The following PIWIL1 variants were observed in gnomAD, a reference collection of about 807,000 sequenced individuals.
PIWIL1 encodes the protein piwi like RNA-mediated gene silencing 1, also known as piwi-like protein 1.
A neutral mutation model predicts 114.4 loss-of-function variants in PIWIL1; 73 were observed. That is an observed-to-expected ratio of 0.64 (90% CI 0.53 to 0.78). The LOEUF (loss-of-function observed/expected upper bound fraction) is 0.78, where lower values mean the gene tolerates loss of function less well. Among genes scored for constraint, PIWIL1 ranks in the 30% least tolerant of loss-of-function variants. PIWIL1 has a pLI of 0.00. For synonymous variants in PIWIL1, 375 were observed against 369.0 expected, an observed-to-expected ratio of 1.02 and a Z score of -0.19; for missense variants, 723 against 1,063.1, an observed-to-expected ratio of 0.68 and a Z score of 4.45.
In PIWIL1 at chr12:130,361,483, A is replaced by G. The variant is rs372934454; in HGVS notation, c.1867-15A>G. 9.7e-5 allele frequency: 157 copies of G among 1,613,494 alleles called. No homozygotes were observed. In the African/African-American group the frequency reaches 1.7e-3, roughly 18 times the overall value. Reference sequence around the variant, plus strand: ...GTACTCCATTGTATCTAAAATTACCATATTTGTATTGAAGCTGAAGCTCGT... The same window carrying G: ...GTACTCCATTGTATCTAAAATTACCGTATTTGTATTGAAGCTGAAGCTCGT... On this transcript the variant is annotated splice_polypyrimidine_tract_variant and intron_variant, in intron 15 of 20. Coordinates refer to ENST00000245255, the MANE Select transcript of PIWIL1 (RefSeq NM_004764.5).
chr12:130,415,323 G>T, the PIWIL1 span, among the ~76,000 whole-genome samples: 1 of 152,058 alleles, frequency 6.6e-6, no homozygotes, highest in Non-Finnish European at 1.5e-5. Flanking sequence ...CAATAGTGCA[G>T]AAAAAGCTTG....
At chr12:130,392,094 CCAG>C in the PIWIL1 span, among the ~76,000 whole-genome samples, 10 of 96,552 alleles carry the variant, frequency 1.0e-4, no homozygotes, top group South Asian at 3.8e-4. Flanking sequence ...CATCAGTTAC[CCAG>C]TGAATATTGA....
Position 130,371,718 on chromosome 12 carries a change from A to G in PIWIL1, c.*120A>G, listed in dbSNP as rs897552611. ...GATGAAACTTGGGAAGGGGATTAGG[A>G]GATCTAGCATTTTATTTCTAGCATT... On this transcript the variant is annotated 3_prime_UTR_variant, in exon 21 of 21. Coordinates refer to ENST00000245255, the MANE Select transcript of PIWIL1 (RefSeq NM_004764.5). 2 of 587,664 alleles carry G rather than the reference A, an allele frequency of 3.4e-6. No individual in the cohort carries two copies. The highest frequency in any genetic ancestry group is 3.8e-5 in the African/African-American group (2 of 52,624). The allele number at this position is 587,664 out of a possible 1,614,324, so 36.4% of individuals were successfully genotyped here.
rs1317558600 is a variant in PIWIL1, at chr12:130,372,142, G to T, written c.*544G>T. ...ATATGCTTGATTTTTATTTGGCAGG[G>T]GGGCTAGGTTGTATGGGAGTAAAAA... On this transcript the variant is annotated 3_prime_UTR_variant, in exon 21 of 21. Coordinates refer to ENST00000245255, the MANE Select transcript of PIWIL1 (RefSeq NM_004764.5). 6.6e-6 allele frequency: 1 copy of T among 152,020 alleles called. No homozygotes were observed. The highest frequency in any genetic ancestry group is 1.5e-5 in the Non-Finnish European group (1 of 68,002). The allele number at this position is 152,020 out of a possible 1,614,324, so 9.4% of individuals were successfully genotyped here. A position where few individuals can be genotyped will look rare whatever the true frequency, so the allele number is the denominator to read the frequency against.
chr12:130,340,672 GTGGTGGTGC>G, intron 1 of PIWIL1, among the ~76,000 whole-genome samples: 2 of 150,338 alleles, frequency 1.3e-5, no homozygotes, highest in Admixed American at 6.6e-5. Context: ...GGTGGTGGTG[GTGGTGGTGC>G]TGCTGCTGCT....
chr12:130,352,482 C>A (rs1333734080), intron 9 of PIWIL1, among the ~76,000 whole-genome samples: 1 of 152,052 alleles, frequency 6.6e-6, no homozygotes, highest in Non-Finnish European at 1.5e-5. Flanking sequence ...AGTTTGAGAC[C>A]AGCCTGACCA....
intron 18 of PIWIL1, among the ~76,000 whole-genome samples, chr12:130,364,234 C>T (rs771230484): frequency 2.4e-4 from 37 of 152,162 alleles, no homozygotes; most frequent in African/African-American, 6.5e-4. Context: ...GATCCTGTTT[C>T]GTGTGCTTGC....
intron 15 of PIWIL1, 47 bp from the exon 16 acceptor site, chr12:130,361,451 G>A (rs1174356359): frequency 3.1e-6 from 5 of 1,608,426 alleles, no homozygotes; most frequent in East Asian, 4.5e-5. Context: ...CTTTTTAAAT[G>A]TTGCTGGTAC....
chr12:130,391,596 G>C, the PIWIL1 span, among the ~76,000 whole-genome samples: 2 of 152,034 alleles, frequency 1.3e-5, no homozygotes, highest in South Asian at 2.1e-4. Flanking sequence ...TCTTCTTCTG[G>C]TAACTAAATG....
chr12:130,410,066 G>A, the PIWIL1 span, among the ~76,000 whole-genome samples: 2 of 152,224 alleles, frequency 1.3e-5, no homozygotes, highest in East Asian at 1.9e-4. Context: ...ACGGCCAGCC[G>A]TTTTAATCTT....
rs546624857 is a variant in PIWIL1 at position 130,349,380 on chromosome 12, A to T, written c.876A>T (p.Glu292Asp). Residue 292 changes from glutamate (E) to aspartate (D), a missense_variant, in exon 8 of 21, where the codon GAA becomes GAT. Around this residue, in one of 8 missense-constraint regions of PIWIL1, gnomAD observed 190 missense variants for 294.4 expected, o/e 0.65. Transcript: ENST00000245255. ...TCAACTTTTATCATCAGACAGAAGAACATAAATTTCAAGAACAAGTTTCCA... is the reference window on the plus strand; with the variant it reads ...TCAACTTTTATCATCAGACAGAAGATCATAAATTTCAAGAACAAGTTTCCA... ...FMFNFYHQTE[E>D]HKFQEQVSKE... 14 of 1,613,758 alleles carry T rather than the reference A, an allele frequency of 8.7e-6. No homozygotes were observed. The highest frequency in any genetic ancestry group is 1.1e-5 in the Non-Finnish European group (13 of 1,179,684).
chr12:130,355,072 G>C (rs922984771), intron 11 of PIWIL1, 67 bp downstream of exon 11: 1 of 975,876 alleles, frequency 1.0e-6, no homozygotes, highest in Non-Finnish European at 1.6e-6. Context: ...GGCTTTGAGG[G>C]GTATCTTTTG....
the PIWIL1 span, chr12:130,406,240 C>T: frequency 1.3e-6 from 2 of 1,597,676 alleles, no homozygotes; most frequent in African/African-American, 1.3e-5. Context: ...AATGTAAGTT[C>T]GGCCTGTGGA....
downstream of PIWIL1, among the ~76,000 whole-genome samples, chr12:130,375,858 G>A (rs556432433): frequency 3.7e-4 from 57 of 152,144 alleles, no homozygotes; most frequent in African/African-American, 1.3e-3. Flanking sequence ...AGCCAGACCT[G>A]CTGCACGCCT....
the PIWIL1 span, chr12:130,397,222 TG>T: frequency 5.1e-6 from 2 of 389,268 alleles, no homozygotes; most frequent in East Asian, 7.3e-5. Context: ...TTAAAGTGGT[TG>T]GTAGTGCAAA....
At chr12:130,375,825 T>G (rs925896723), downstream of PIWIL1, among the ~76,000 whole-genome samples, 2 of 152,172 alleles carry the variant, frequency 1.3e-5, no homozygotes, top group African/African-American at 4.8e-5. Flanking sequence ...CAGTGCCAGC[T>G]GTTCAATTCC....
chr12:130,365,170 A>G (rs1478896191), intron 18 of PIWIL1, among the ~76,000 whole-genome samples: 1 of 152,220 alleles, frequency 6.6e-6, no homozygotes, highest in Non-Finnish European at 1.5e-5. Context: ...GCAGGGAAGG[A>G]GAACCTAAGT....
intron 8 of PIWIL1, 146 bp from the exon 9 acceptor site, chr12:130,349,710 G>T: frequency 1.7e-6 from 1 of 598,170 alleles, no homozygotes; most frequent in Non-Finnish European, 2.9e-6. Context: ...GGCATAGTCT[G>T]TAAGAAACCC....
chr12:130,401,772 C>T, the PIWIL1 span, among the ~76,000 whole-genome samples: 2 of 152,254 alleles, frequency 1.3e-5, no homozygotes, highest in African/African-American at 4.8e-5. Flanking sequence ...CAAGTCCCCC[C>T]TCATTAGGTC....
Sources: gnomAD v4.1 joint callset for allele counts (sites outside exome capture counted in the v4.1 genomes callset) on GRCh38, gnomAD v4.1.1 for gene constraint, gnomAD v4.1.1 regional missense constraint, MANE v1.5 for transcripts, NCBI Gene and HGNC (gene_info 2026-07-23, HGNC 2026-07-21) for gene names.